Variants in GHRH observed in about 807,000 individuals in gnomAD.
GHRH encodes growth hormone releasing hormone, also known as somatoliberin.
GHRH carries 7 observed loss-of-function variants against 15.6 expected under a neutral mutation model. That is an observed-to-expected ratio of 0.45 (90% confidence interval 0.26 to 0.84). The LOEUF is 0.84. Among genes scored for constraint, GHRH ranks in the 40% least tolerant of loss-of-function variants. GHRH has a pLI of 0.18. For missense variants in GHRH, 117 were observed against 138.0 expected (o/e 0.85, Z 0.76); for synonymous variants, 54 against 50.4 (o/e 1.07, Z -0.30).
chr20:37,255,336 C>T (rs1435190550), intron 3 of GHRH, among the ~76,000 whole-genome samples: 2 of 152,036 alleles, frequency 1.3e-5, no homozygotes, highest in African/African-American at 4.8e-5. Context: ...TGGCTCCAAA[C>T]TCTGCCACTC....
chr20:37,253,324 C>G (rs2068633583), intron 4 of GHRH, among the ~76,000 whole-genome samples: 1 of 152,206 alleles, frequency 6.6e-6, no homozygotes, highest in Non-Finnish European at 1.5e-5. Flanking sequence ...TCATCTACCA[C>G]AGGGTGTGGG....
Position 37,258,289 on chromosome 20 carries a change from C to A in GHRH, c.-19-1381G>T, listed in dbSNP as rs879914789. Among the ~76,000 whole-genome samples, 4 of 150,924 alleles carry A rather than the reference C, an allele frequency of 2.7e-5. No homozygotes were observed. The highest frequency in any genetic ancestry group is 2.6e-4 in the Admixed American group (4 of 15,158). ...ATGTCTACTCCATGGGGGTGTAGATCCATCCAGAAGCCCAGCCAGCCCCGG... is the reference window on the plus strand; with the variant it reads ...ATGTCTACTCCATGGGGGTGTAGATACATCCAGAAGCCCAGCCAGCCCCGG... On this transcript the variant is annotated intron_variant, in intron 1 of 4. Coordinates refer to ENST00000373614, the MANE Select transcript of GHRH (RefSeq NM_021081.6). This position sits in a 1 kb window ranked among gnomAD's most constrained non-coding sequence, Gnocchi z 4.1.
At chr20:37,254,132 A>G (rs1393522001) in intron 4 of GHRH, 78 bp downstream of exon 4, 1 of 1,515,276 alleles carries the variant, frequency 6.6e-7, no homozygotes, top group East Asian at 2.3e-5. Context: ...AGAGGAGTGG[A>G]TTTTTTCCTT....
At chr20:37,255,303 A>G (rs755189331) in intron 3 of GHRH, among the ~76,000 whole-genome samples, 16 of 152,158 alleles carry the variant, frequency 1.1e-4, no homozygotes, top group Non-Finnish European at 1.9e-4. Flanking sequence ...TAAAAAACGT[A>G]TAGGCTATAG....
chr20:37,261,199 G>T (rs1029321556), intron 1 of GHRH, among the ~76,000 whole-genome samples: 6 of 152,206 alleles, frequency 3.9e-5, no homozygotes, highest in African/African-American at 1.4e-4. Context: ...TTAAAGCAAG[G>T]ATCAGGAGAC....
chr20:37,254,366 G>A, intron 3 of GHRH, 37 bp from the exon 4 acceptor site: 1 of 1,613,050 alleles, frequency 6.2e-7, no homozygotes, highest in Non-Finnish European at 8.5e-7. Context: ...TTGCTATTTG[G>A]GTAGGATGTG....
At chr20:37,260,929 G>A (rs1412552307) in intron 1 of GHRH, among the ~76,000 whole-genome samples, 2 of 152,126 alleles carry the variant, frequency 1.3e-5, no homozygotes, top group African/African-American at 2.4e-5. Context: ...ACCCAAATTC[G>A]CAAGGCCATT....
At chr20:37,253,517 C>G (rs1375205495) in intron 4 of GHRH, among the ~76,000 whole-genome samples, 1 of 152,334 alleles carries the variant, frequency 6.6e-6, no homozygotes, top group East Asian at 1.9e-4. Context: ...TGGCCTCTGG[C>G]TCCGCACTGG....
intron 4 of GHRH, among the ~76,000 whole-genome samples, chr20:37,251,508 A>G (rs1282730355): frequency 6.6e-6 from 1 of 151,736 alleles, no homozygotes; most frequent in Non-Finnish European, 1.5e-5. Flanking sequence ...AGACAGGCTC[A>G]GCGTTCTCCC....
rs772935848 is a variant in GHRH, at chr20:37,256,893, TCACCCGGGGTGG to T, written c.-16_-5del. ...AGAAGAACACCCAGAGTGGCATCCT[TCACCCGGGGTGG>T]CACCTGCAGAGTGACAGGAGGGGAA... is the stretch of plus-strand genomic sequence containing the variant. On this transcript the variant is annotated 5_prime_UTR_variant, in exon 2 of 5. Transcript: ENST00000373614. 2.5e-6 allele frequency: 4 copies of T among 1,604,856 alleles called. No homozygotes were observed. The Admixed American group carries it at 6.8e-5, about 27-fold the overall frequency.
intron 3 of GHRH, among the ~76,000 whole-genome samples, chr20:37,255,456 C>T (rs1044124772): frequency 1.3e-5 from 2 of 151,462 alleles, no homozygotes; most frequent in African/African-American, 2.4e-5. Flanking sequence ...GTCAGGAGAT[C>T]GAGACCGTCC....
chr20:37,254,145 C>A, intron 4 of GHRH, 65 bp downstream of exon 4: 1 of 1,584,304 alleles, frequency 6.3e-7, no homozygotes, highest in Non-Finnish European at 8.6e-7. Flanking sequence ...TTTTCCTTTT[C>A]CTGGCAAACC....
At chr20:37,255,419 G>T (rs908597621) in intron 3 of GHRH, among the ~76,000 whole-genome samples, 21 of 152,086 alleles carry the variant, frequency 1.4e-4, no homozygotes, top group African/African-American at 4.1e-4. Flanking sequence ...CCAGCACTTT[G>T]GGAGGCCGAG....
intron 3 of GHRH, 132 bp from the exon 4 acceptor site, chr20:37,254,461 G>A: frequency 1.1e-6 from 1 of 889,680 alleles, no homozygotes; most frequent in Non-Finnish European, 1.8e-6. Context: ...GCCACACTTA[G>A]GGAGGCAGTA....
intron 4 of GHRH, among the ~76,000 whole-genome samples, 167 bp from the exon 5 acceptor site, chr20:37,251,398 G>A (rs1420263030): frequency 1.3e-5 from 2 of 152,030 alleles, no homozygotes; most frequent in African/African-American, 2.4e-5. Context: ...TGCCAGCAAG[G>A]CGAGTCCCAG....
rs573971341 is a variant in GHRH, at chr20:37,258,933, T to C, written c.-19-2025A>G. ...TTTGAAATTTTTTGTAAAGATAAAG[T>C]CTCACTATATTGCCGAGGCTGGTTT... On this transcript the variant is annotated intron_variant, in intron 1 of 4. Transcript: ENST00000373614. The surrounding 1 kb of genome is among the most constrained non-coding windows in gnomAD (Gnocchi z 4.1). Among the ~76,000 whole-genome samples, 4 of 152,224 alleles carry C rather than the reference T, an allele frequency of 2.6e-5. No individual in the cohort carries two copies. The East Asian group carries it at 7.7e-4, about 29-fold the overall frequency.
At chr20:37,261,418 A>C (rs1313483818) in intron 1 of GHRH, among the ~76,000 whole-genome samples, 1 of 152,204 alleles carries the variant, frequency 6.6e-6, no homozygotes, top group African/African-American at 2.4e-5. Flanking sequence ...CGCTGACAGG[A>C]AAATCGAGCC....
intron 4 of GHRH, among the ~76,000 whole-genome samples, chr20:37,253,744 C>G (rs2068636574): frequency 6.6e-6 from 1 of 151,952 alleles, no homozygotes; most frequent in Non-Finnish European, 1.5e-5. Flanking sequence ...TGGGCACTCC[C>G]CTAGTTCTTC....
rs115716536 is a variant in GHRH at position 37,261,514 on chromosome 20, T to C, written c.-20+229A>G. On this transcript the variant is annotated intron_variant, in intron 1 of 4. Coordinates refer to ENST00000373614, the MANE Select transcript of GHRH (RefSeq NM_021081.6). ...ACCTGCGACAGACACCTGGAGCCAG[T>C]CCGCCACGCGCCCAAGTTAAGACAA... is the stretch of plus-strand genomic sequence containing the variant. Among the ~76,000 whole-genome samples, 757 of 152,266 alleles carry C rather than the reference T, an allele frequency of 5.0e-3. 8 individuals carry two copies. Among genetic ancestry groups the C allele is most frequent in the African/African-American group, 0.017 (712 of 41,544 alleles).
Sources: allele counts gnomAD v4.1 joint callset (sites outside exome capture counted in the v4.1 genomes callset), GRCh38; gene constraint gnomAD v4.1.1; non-coding constraint Gnocchi (gnomAD v3.1); transcripts MANE v1.5; gene names NCBI Gene and HGNC (gene_info 2026-07-23, HGNC 2026-07-21).